Variants in EYS observed in about 807,000 individuals in gnomAD.
EYS encodes the protein EGF-like photoreceptor maintenance factor.
Under a neutral mutation model 282.1 loss-of-function variants are expected in EYS, and 250 were observed. The observed-to-expected ratio is 0.89, with a 90% CI of 0.80 to 0.98. The LOEUF is 0.98. EYS is among the 50% of genes least tolerant of loss of function. The pLI is 0.00. For missense variants in EYS, 4,016 were observed against 3,709.0 expected, an observed-to-expected ratio of 1.08 and a Z score of -2.15; for synonymous variants, 1,355 against 1,282.9, an observed-to-expected ratio of 1.06 and a Z score of -1.20.
intron 24 of EYS, among the ~76,000 whole-genome samples, chr6:64,599,653 T>C (rs1766701947): frequency 6.6e-6 from 1 of 152,122 alleles, no homozygotes; most frequent in South Asian, 2.1e-4. Context: ...ATAGTTTCAA[T>C]AAAATAAAGT....
chr6:64,869,240 A>T (rs994203516), intron 19 of EYS, among the ~76,000 whole-genome samples: 1 of 151,560 alleles, frequency 6.6e-6, no homozygotes, highest in African/African-American at 2.4e-5. Flanking sequence ...AGACTATTAT[A>T]ATCCATGCTC....
At chr6:64,860,888 C>T (rs1207325169) in intron 19 of EYS, among the ~76,000 whole-genome samples, 2 of 152,194 alleles carry the variant, frequency 1.3e-5, no homozygotes, top group Admixed American at 6.5e-5. Flanking sequence ...CAGGTCGTCC[C>T]ATCATGTCCT....
intron 11 of EYS, among the ~76,000 whole-genome samples, chr6:65,334,599 C>T (rs1769912637): frequency 6.6e-6 from 1 of 151,720 alleles, no homozygotes; most frequent in South Asian, 2.1e-4. Flanking sequence ...TTTGTTAATG[C>T]TAATTTTACT....
chr6:64,067,991 T>C (rs1771439434), intron 32 of EYS, among the ~76,000 whole-genome samples: 4 of 152,140 alleles, frequency 2.6e-5, no homozygotes, highest in Admixed American at 2.6e-4. Flanking sequence ...ATTGCATACA[T>C]TTCTGTTGTA....
At chr6:64,424,643 C>A (rs1201337257) in intron 28 of EYS, among the ~76,000 whole-genome samples, 2 of 152,132 alleles carry the variant, frequency 1.3e-5, no homozygotes, top group East Asian at 3.9e-4. Context: ...CCAACACCTG[C>A]CCACCGTTGA....
At chr6:64,416,004 G>C (rs529723905) in intron 28 of EYS, among the ~76,000 whole-genome samples, 1 of 152,194 alleles carries the variant, frequency 6.6e-6, no homozygotes, top group Non-Finnish European at 1.5e-5. Flanking sequence ...TGTATAAAAG[G>C]CTACTTTCAG....
At chr6:65,065,299 T>C (rs1162301896) in intron 12 of EYS, among the ~76,000 whole-genome samples, 1 of 152,172 alleles carries the variant, frequency 6.6e-6, no homozygotes. Flanking sequence ...AATCTGCTAA[T>C]GGCTTTAGGC....
At chr6:65,520,642 A>T (rs964828760) in intron 2 of EYS, among the ~76,000 whole-genome samples, 3 of 151,922 alleles carry the variant, frequency 2.0e-5, no homozygotes, top group Non-Finnish European at 4.4e-5. Context: ...ATGTATATAC[A>T]TATATCAGAG....
chr6:64,388,819 G>C lies in EYS; in HGVS notation c.5949C>G (p.Asn1983Lys). 1 of 1,524,022 alleles carries C rather than the reference G, an allele frequency of 6.6e-7. No individual in the cohort carries two copies. Among genetic ancestry groups the C allele is most frequent in the Non-Finnish European group, 8.8e-7 (1 of 1,134,830 alleles). 94.4% of individuals were successfully genotyped at this position (1,524,022 alleles called of 1,614,324 possible). ...TCCTCCCTAAAATAGTCAGCTCAGC[G>C]TTACATGGATCCAATTCTTGCCTGT... Reference protein sequence around the residue: ...LLIRQELDPCNAELTILGRNT... With the variant: ...LLIRQELDPCKAELTILGRNT... Residue 1983 changes from asparagine to lysine, a missense_variant, in exon 29 of 43, where the codon AAC becomes AAG. By Grantham distance (94) the Asn-to-Lys change is moderately conservative (BLOSUM62 0). Transcript: ENST00000503581.
chr6:65,345,881 A>AC (rs1170492316), intron 9 of EYS, among the ~76,000 whole-genome samples: 3 of 150,898 alleles, frequency 2.0e-5, no homozygotes, highest in Non-Finnish European at 4.4e-5. Context: ...TATAATTATG[A>AC]AAAAAAAATT....
At chr6:64,221,859 G>T (rs1766114408) in intron 31 of EYS, among the ~76,000 whole-genome samples, 1 of 151,968 alleles carries the variant, frequency 6.6e-6, no homozygotes, top group South Asian at 2.1e-4. Context: ...AAGGATGACT[G>T]GATATAGGGC....
At chr6:64,452,666 G>A (rs1775400497) in intron 26 of EYS, among the ~76,000 whole-genome samples, 2 of 152,208 alleles carry the variant, frequency 1.3e-5, no homozygotes, top group African/African-American at 4.8e-5. Flanking sequence ...CAGAGATACA[G>A]ACCAATGGAA....
chr6:64,096,111 C>T (rs879013990), intron 31 of EYS, among the ~76,000 whole-genome samples: 57 of 152,242 alleles, frequency 3.7e-4, no homozygotes, highest in African/African-American at 1.1e-3. Context: ...GAGTTTCTGC[C>T]GAGAGATCAG....
chr6:64,283,902 C>T lies in EYS; in HGVS notation c.6191+23068G>A, dbSNP rs137979805. Among the ~76,000 whole-genome samples, 50 of 152,242 alleles carry T rather than the reference C, an allele frequency of 3.3e-4. 1 individual carries two copies. In the East Asian group the frequency reaches 9.1e-3, roughly 28 times the overall value. Reference sequence around the variant, plus strand: ...TACCACAAGAACAGCATGGGGGGAACCGCCTCCACGATTCAAATTATCCCC... The same window carrying T: ...TACCACAAGAACAGCATGGGGGGAATCGCCTCCACGATTCAAATTATCCCC... On this transcript the variant is annotated intron_variant, in intron 30 of 42. Coordinates refer to ENST00000503581, the MANE Select transcript of EYS (RefSeq NM_001142800.2).
intron 28 of EYS, among the ~76,000 whole-genome samples, chr6:64,413,871 G>A (rs949427710): frequency 3.9e-5 from 6 of 152,078 alleles, no homozygotes; most frequent in Non-Finnish European, 8.8e-5. Context: ...GAGGTGGTTA[G>A]GTCATGGAGG....
intron 2 of EYS, among the ~76,000 whole-genome samples, chr6:65,556,977 G>A (rs184995982): frequency 8.5e-5 from 13 of 152,222 alleles, no homozygotes; most frequent in Admixed American, 6.5e-4. Flanking sequence ...AATAATATAT[G>A]TCATAGATCT....
At chr6:64,523,111 G>T (rs143143102) in intron 26 of EYS, among the ~76,000 whole-genome samples, 2,467 of 151,300 alleles carry the variant, frequency 0.016, 23 homozygotes, top group South Asian at 0.035. Flanking sequence ...AGAGCTATTT[G>T]AGCTTACAAC....
chr6:63,963,525 A>G (rs1429453098), intron 35 of EYS, among the ~76,000 whole-genome samples: 1 of 152,182 alleles, frequency 6.6e-6, no homozygotes, highest in East Asian at 1.9e-4. Context: ...CGAAAATGGC[A>G]TTGCTTTCTG....
intron 22 of EYS, among the ~76,000 whole-genome samples, chr6:64,674,783 T>TATATACACACACATAC (rs1769594971): frequency 6.6e-6 from 1 of 150,970 alleles, no homozygotes; most frequent in Non-Finnish European, 1.5e-5. Context: ...CACACACATA[T>TATATACACACACATAC]ATATACACAC....
Sources: allele counts gnomAD v4.1 joint callset (sites outside exome capture counted in the v4.1 genomes callset), GRCh38; gene constraint gnomAD v4.1.1; transcripts MANE v1.5; gene names NCBI Gene and HGNC (gene_info 2026-07-23, HGNC 2026-07-21).